BACH2: variants seen among roughly 807,000 people sequenced by gnomAD.
BACH2 encodes transcription regulator protein BACH2.
A neutral mutation model predicts 61.8 loss-of-function variants in BACH2; 5 were observed. The observed-to-expected ratio is 0.08, with a 90% CI of 0.04 to 0.17. The LOEUF is 0.17. BACH2 is among the 10% of genes least tolerant of loss of function. BACH2 has a pLI of 1.00. For missense variants in BACH2, 824 were observed against 1,091.1 expected, an observed-to-expected ratio of 0.76 and a Z score of 3.45; for synonymous variants, 446 against 440.1, an observed-to-expected ratio of 1.01 and a Z score of -0.17.
chr6:89,977,437 T>C (rs577035069), intron 6 of BACH2, among the ~76,000 whole-genome samples: 7 of 152,338 alleles, frequency 4.6e-5, no homozygotes, highest in South Asian at 4.1e-4. Flanking sequence ...AGTTCAGTGA[T>C]TGAACTGGGT....
intron 5 of BACH2, among the ~76,000 whole-genome samples, chr6:90,087,592 G>A (rs574346355): frequency 2.6e-5 from 4 of 152,102 alleles, no homozygotes; most frequent in African/African-American, 4.8e-5. Flanking sequence ...GTTAGGCAAC[G>A]GGCCTGTTCG....
intron 5 of BACH2, among the ~76,000 whole-genome samples, chr6:90,029,427 T>C (rs1261342811): frequency 1.3e-5 from 2 of 152,134 alleles, no homozygotes; most frequent in Admixed American, 6.6e-5. Context: ...ACATTCTCAG[T>C]GAGGCCTCCC....
At chr6:90,032,525 C>A (rs1779043348) in intron 5 of BACH2, among the ~76,000 whole-genome samples, 2 of 127,676 alleles carry the variant, frequency 1.6e-5, no homozygotes, top group South Asian at 5.8e-4. Flanking sequence ...AAACAAACAA[C>A]CCCATCAAAA....
intron 6 of BACH2, among the ~76,000 whole-genome samples, chr6:89,999,299 C>T (rs1470419819): frequency 6.6e-6 from 1 of 152,246 alleles, no homozygotes; most frequent in Non-Finnish European, 1.5e-5. Flanking sequence ...TGAAGCACCA[C>T]TGCATCGTGA....
In BACH2 at chr6:90,272,504, A is replaced by G. The variant is rs969736591; in HGVS notation, c.-445-563T>C. 2.0e-5 allele frequency among the ~76,000 whole-genome samples: 3 copies of G among 151,882 alleles called. No individual in the cohort carries two copies. The South Asian group carries it at 6.2e-4, about 32-fold the overall frequency. ...TTTATTCTCAACTCTCCAGTGAGCC[A>G]TTTTTCCTGCATATGGTATCTCTAC... is the stretch of plus-strand genomic sequence containing the variant. On this transcript the variant is annotated intron_variant, in intron 1 of 8. Coordinates refer to ENST00000257749, the MANE Select transcript of BACH2 (RefSeq NM_021813.4).
intron 4 of BACH2, among the ~76,000 whole-genome samples, chr6:90,141,032 G>A (rs1010403854): frequency 2.6e-5 from 4 of 152,150 alleles, no homozygotes; most frequent in African/African-American, 9.7e-5. Flanking sequence ...TGGCTAAATA[G>A]ATGCTAGTCC....
At chr6:90,054,130 G>A (rs113960809) in intron 5 of BACH2, among the ~76,000 whole-genome samples, 6,078 of 152,280 alleles carry the variant, frequency 0.04, 389 homozygotes, top group African/African-American at 0.14. Flanking sequence ...CAGGACAGTG[G>A]GTGCAGCGCA....
At chr6:89,970,639 C>T (rs1012544929) in intron 6 of BACH2, among the ~76,000 whole-genome samples, 6 of 152,118 alleles carry the variant, frequency 3.9e-5, no homozygotes, top group South Asian at 2.1e-4. Flanking sequence ...TGCACCTGTA[C>T]GGCCCTTTTT....
At chr6:90,081,653 G>A (rs1407220929) in intron 5 of BACH2, among the ~76,000 whole-genome samples, 1 of 152,024 alleles carries the variant, frequency 6.6e-6, no homozygotes, top group African/African-American at 2.4e-5. Flanking sequence ...TCCTTTACAC[G>A]GGATGATAAA....
intron 1 of BACH2, among the ~76,000 whole-genome samples, chr6:90,276,689 T>C (rs1401270169): frequency 6.6e-6 from 1 of 152,214 alleles, no homozygotes; most frequent in Non-Finnish European, 1.5e-5. Context: ...TTTTGGAATG[T>C]ACCTTCCTGC....
chr6:89,994,507 A>G (rs1776741798), intron 6 of BACH2, among the ~76,000 whole-genome samples: 1 of 152,204 alleles, frequency 6.6e-6, no homozygotes, highest in African/African-American at 2.4e-5. Flanking sequence ...CATTTAACCA[A>G]TGAGACTGTG....
chr6:89,992,993 TAAG>T (rs760282870), intron 6 of BACH2, among the ~76,000 whole-genome samples: 2 of 152,084 alleles, frequency 1.3e-5, no homozygotes, highest in East Asian at 1.9e-4. Context: ...GATGTCCTTA[TAAG>T]AAGGAGAGAC....
Position 89,950,877 on chromosome 6 carries a change from G to T in BACH2, c.1229C>A (p.Pro410His), listed in dbSNP as rs1245552324. The part of the protein sequence containing the change: ...KEVSNFTMGS[P>H]LRGPGLEALC... The stretch of plus-strand genomic sequence containing the variant: ...AGCCTCCAACCCAGGCCCCCTGAGG[G>T]GCGACCCCATGGTGAAGTTGGACAC... The change falls in exon 7 of 9, where the codon CCC (proline) becomes CAC (histidine). Residue 410 changes from proline to histidine, a missense_variant. Transcript: ENST00000257749. This position sits in a 1 kb window ranked among gnomAD's most constrained non-coding sequence, Gnocchi z 5.3. 3 of 1,607,802 alleles carry T rather than the reference G, an allele frequency of 1.9e-6. No homozygotes were observed. Among genetic ancestry groups the T allele is most frequent in the Non-Finnish European group, 2.5e-6 (3 of 1,176,474 alleles).
chr6:90,055,152 G>A (rs1048285431), intron 5 of BACH2, among the ~76,000 whole-genome samples: 5 of 152,182 alleles, frequency 3.3e-5, no homozygotes, highest in African/African-American at 7.2e-5. Context: ...AGAGAAGAAG[G>A]CTTCAGATGA....
At chr6:90,122,351 GGCTT>G (rs1265513230) in intron 4 of BACH2, among the ~76,000 whole-genome samples, 1 of 152,164 alleles carries the variant, frequency 6.6e-6, no homozygotes, top group African/African-American at 2.4e-5. Context: ...AAAAGAGACA[GGCTT>G]GTGGCAGTCT....
chr6:90,099,917 T>C (rs1470798271), intron 4 of BACH2, among the ~76,000 whole-genome samples: 1 of 152,182 alleles, frequency 6.6e-6, no homozygotes, highest in Non-Finnish European at 1.5e-5. Flanking sequence ...CCTACACCCA[T>C]AGTAGTTACT....
chr6:90,066,345 T>C (rs7762633), intron 5 of BACH2, among the ~76,000 whole-genome samples: 66,589 of 151,968 alleles, frequency 0.44, 17,159 homozygotes, highest in East Asian at 0.82. Flanking sequence ...TAGCTGGCCA[T>C]GTGACTCTGG....
At chr6:89,948,135 A>C (rs1442160536) in intron 7 of BACH2, among the ~76,000 whole-genome samples, 1 of 152,184 alleles carries the variant, frequency 6.6e-6, no homozygotes, top group African/African-American at 2.4e-5. Flanking sequence ...AAGAAGATGT[A>C]TCTGAAACTG....
chr6:90,246,920 C>T (rs1008698599), intron 3 of BACH2, among the ~76,000 whole-genome samples: 4 of 151,936 alleles, frequency 2.6e-5, no homozygotes, highest in African/African-American at 9.7e-5. Flanking sequence ...AGAAACCTGA[C>T]GTTAAAGTCC....
Sources: allele counts gnomAD v4.1 joint callset (sites outside exome capture counted in the v4.1 genomes callset), GRCh38; gene constraint gnomAD v4.1.1; non-coding constraint Gnocchi (gnomAD v3.1); transcripts MANE v1.5; gene names NCBI Gene and HGNC (gene_info 2026-07-23, HGNC 2026-07-21).